PCSK5: variants seen among roughly 807,000 people sequenced by gnomAD.
PCSK5 encodes the protein prohormone convertase 5.
A neutral mutation model predicts 233.2 loss-of-function variants in PCSK5; 129 were observed. The observed-to-expected ratio is 0.55, with a 90% CI of 0.48 to 0.64. The LOEUF (loss-of-function observed/expected upper bound fraction) is 0.64, where lower values mean the gene tolerates loss of function less well. Among genes scored for constraint, PCSK5 ranks in the 30% least tolerant of loss-of-function variants. PCSK5 has a pLI of 0.00. For synonymous variants in PCSK5, 825 were observed against 879.2 expected, an observed-to-expected ratio of 0.94 and a Z score of 1.09; for missense variants, 2,076 against 2,430.1, an observed-to-expected ratio of 0.85 and a Z score of 3.06.
At chr9:76,052,073 C>T (rs1353778764) in intron 5 of PCSK5, among the ~76,000 whole-genome samples, 1 of 152,146 alleles carries the variant, frequency 6.6e-6, no homozygotes, top group Non-Finnish European at 1.5e-5. Context: ...AACCAAAAAG[C>T]ATGGCAGGTT....
At chr9:76,138,602 G>C (rs1429035566) in intron 10 of PCSK5, among the ~76,000 whole-genome samples, 1 of 152,014 alleles carries the variant, frequency 6.6e-6, no homozygotes, top group African/African-American at 2.4e-5. Flanking sequence ...CTTGGCCCGA[G>C]TCCTTATCTT....
At chr9:76,263,642 T>G (rs1424756354) in intron 24 of PCSK5, among the ~76,000 whole-genome samples, 43 of 131,036 alleles carry the variant, frequency 3.3e-4, no homozygotes, top group African/African-American at 6.4e-4. Flanking sequence ...GTGGGGGGAG[T>G]GGGGAGGGAT....
intron 3 of PCSK5, among the ~76,000 whole-genome samples, chr9:76,016,298 A>G (rs931127391): frequency 6.6e-6 from 1 of 152,212 alleles, no homozygotes; most frequent in Non-Finnish European, 1.5e-5. Flanking sequence ...ATTTTTTGCA[A>G]TTGCTTGTCT....
At chr9:76,039,248 CTAA>C (rs1828993835) in intron 5 of PCSK5, among the ~76,000 whole-genome samples, 1 of 152,136 alleles carries the variant, frequency 6.6e-6, no homozygotes, top group African/African-American at 2.4e-5. Context: ...ATAGGATATA[CTAA>C]CACAGGTTTA....
intron 11 of PCSK5, 68 bp from the exon 12 acceptor site, chr9:76,158,915 C>A: frequency 7.8e-7 from 1 of 1,284,194 alleles, no homozygotes; most frequent in South Asian, 1.3e-5. Flanking sequence ...TTATTCCATG[C>A]CTCCAGGTTC....
intron 24 of PCSK5, among the ~76,000 whole-genome samples, chr9:76,248,617 G>A (rs755925667): frequency 3.9e-5 from 6 of 152,140 alleles, no homozygotes; most frequent in Admixed American, 2.0e-4. Flanking sequence ...TCATCACACA[G>A]ACTCAAAGTA....
At chr9:76,147,894 CTA>C (rs985364082) in intron 10 of PCSK5, among the ~76,000 whole-genome samples, 2 of 152,098 alleles carry the variant, frequency 1.3e-5, no homozygotes, top group Non-Finnish European at 2.9e-5. Flanking sequence ...GACCATGACC[CTA>C]TGTTTTCAAA....
chr9:76,171,045 GC>G (rs1823311858), intron 13 of PCSK5, among the ~76,000 whole-genome samples: 1 of 152,148 alleles, frequency 6.6e-6, no homozygotes, highest in Non-Finnish European at 1.5e-5. Flanking sequence ...GAGTATCTGT[GC>G]CCAGCTCACC....
intron 1 of PCSK5, among the ~76,000 whole-genome samples, chr9:75,928,937 A>G (rs1823646456): frequency 6.6e-6 from 1 of 151,268 alleles, no homozygotes; most frequent in Non-Finnish European, 1.5e-5. Context: ...ATATTTATTT[A>G]TTTATTTATT....
intron 7 of PCSK5, among the ~76,000 whole-genome samples, chr9:76,093,748 G>A (rs952063885): frequency 1.3e-5 from 2 of 152,044 alleles, no homozygotes; most frequent in African/African-American, 4.8e-5. Context: ...ATTTTTGCCT[G>A]TAACACAGCC....
At chr9:76,107,159 A>G in intron 8 of PCSK5, 92 bp from the exon 9 acceptor site, 1 of 667,156 alleles carries the variant, frequency 1.5e-6, no homozygotes, top group East Asian at 2.8e-5. Context: ...TTTAACATAT[A>G]CCCCCATTCT....
chr9:75,959,784 T>C (rs1825261712), intron 2 of PCSK5, among the ~76,000 whole-genome samples: 1 of 152,206 alleles, frequency 6.6e-6, no homozygotes, highest in Non-Finnish European at 1.5e-5. Context: ...AGACTATTTA[T>C]TGGATACTCA....
intron 20 of PCSK5, chr9:76,195,396 A>G (rs946342175): frequency 1.3e-5 from 2 of 152,160 alleles, no homozygotes; most frequent in Non-Finnish European, 2.9e-5. Context: ...GTTTTTGTAG[A>G]CGAATAACCA....
At chr9:76,105,519 G>A (rs1016345235) in intron 8 of PCSK5, among the ~76,000 whole-genome samples, 1 of 152,168 alleles carries the variant, frequency 6.6e-6, no homozygotes, top group African/African-American at 2.4e-5. Context: ...GAGGGTAATT[G>A]TATGTTATAT....
chr9:76,198,668 G>A (rs1330427512), intron 20 of PCSK5, among the ~76,000 whole-genome samples: 1 of 152,138 alleles, frequency 6.6e-6, no homozygotes, highest in African/African-American at 2.4e-5. Context: ...GCCTGGGCTT[G>A]ACTTTTTCTC....
chr9:76,024,016 G>A lies in PCSK5; in HGVS notation c.555+135G>A, dbSNP rs888427780. 11 of 637,044 alleles carry A rather than the reference G, an allele frequency of 1.7e-5. No homozygotes were observed. The African/African-American group carries it at 2.1e-4, about 12-fold the overall frequency. The allele number at this position is 637,044 out of a possible 1,614,324, so 39.5% of individuals were successfully genotyped here. A position where few individuals can be genotyped will look rare whatever the true frequency, so the allele number is the denominator to read the frequency against. On this transcript the variant is annotated intron_variant, in intron 4 of 37. Transcript: ENST00000674117. ...GGGTATTGTGTTTTGCTTCTCTCTGGTAAAAGATGAGAATTCTTTGAATAC... is the reference window on the plus strand; with the variant it reads ...GGGTATTGTGTTTTGCTTCTCTCTGATAAAAGATGAGAATTCTTTGAATAC...
chr9:76,191,536 T>C (rs1246636579), intron 20 of PCSK5, among the ~76,000 whole-genome samples: 1 of 152,212 alleles, frequency 6.6e-6, no homozygotes, highest in African/African-American at 2.4e-5. Context: ...GGCACATGAT[T>C]GATAGCACTG....
At chr9:75,907,193 T>C (rs1451969778) in intron 1 of PCSK5, among the ~76,000 whole-genome samples, 1 of 149,256 alleles carries the variant, frequency 6.7e-6, no homozygotes, top group Admixed American at 6.7e-5. Context: ...AAGTTTGTCC[T>C]TTTTTTTTTC....
chr9:76,136,798 G>A (rs772106404), intron 10 of PCSK5, among the ~76,000 whole-genome samples: 43 of 151,940 alleles, frequency 2.8e-4, no homozygotes, highest in African/African-American at 9.2e-4. Context: ...GGACATCAGC[G>A]TCACCCATCA....
Sources: gnomAD v4.1 joint callset for allele counts (sites outside exome capture counted in the v4.1 genomes callset) on GRCh38, gnomAD v4.1.1 for gene constraint, MANE v1.5 for transcripts, NCBI Gene and HGNC (gene_info 2026-07-23, HGNC 2026-07-21) for gene names.